Variants in CNTNAP2 observed in about 807,000 individuals in gnomAD.
CNTNAP2 encodes the protein contactin-associated protein-like 2.
A neutral mutation model predicts 155.2 loss-of-function variants in CNTNAP2; 98 were observed. The ratio of observed to expected loss-of-function variants is 0.63; its 90% CI spans 0.54 to 0.75. The LOEUF (loss-of-function observed/expected upper bound fraction) is 0.75. Among genes scored for constraint, CNTNAP2 ranks in the 30% least tolerant of loss-of-function variants. The pLI, the probability that CNTNAP2 is intolerant of heterozygous loss-of-function variation, is 0.00. For missense variants in CNTNAP2, 1,727 were observed against 1,688.1 expected, an observed-to-expected ratio of 1.02 and a Z score of -0.40; for synonymous variants, 651 against 631.2, an observed-to-expected ratio of 1.03 and a Z score of -0.47.
chr7:147,830,019 T>G (rs761250578), intron 13 of CNTNAP2, among the ~76,000 whole-genome samples: 21 of 152,012 alleles, frequency 1.4e-4, no homozygotes, highest in Admixed American at 2.6e-4. Context: ...CATAGCAACC[T>G]TAGGCCAAAA....
chr7:146,722,653 GC>G (rs1322453321), intron 1 of CNTNAP2, among the ~76,000 whole-genome samples: 1 of 151,946 alleles, frequency 6.6e-6, no homozygotes, highest in African/African-American at 2.4e-5. Flanking sequence ...TAGGCATTAT[GC>G]CAAAATTACA....
intron 1 of CNTNAP2, among the ~76,000 whole-genome samples, chr7:146,581,940 G>T (rs996796467): frequency 6.6e-6 from 1 of 152,070 alleles, no homozygotes; most frequent in Non-Finnish European, 1.5e-5. Context: ...ACCACGAGGA[G>T]TTTACAATCT....
intron 1 of CNTNAP2, among the ~76,000 whole-genome samples, chr7:146,326,642 G>A (rs536041744): frequency 6.6e-6 from 1 of 152,156 alleles, no homozygotes; most frequent in Non-Finnish European, 1.5e-5. Context: ...AAAGTGCATA[G>A]ACAGGTACAT....
intron 12 of CNTNAP2, among the ~76,000 whole-genome samples, chr7:147,601,225 C>G (rs1213722604): frequency 6.6e-6 from 1 of 152,060 alleles, no homozygotes; most frequent in Non-Finnish European, 1.5e-5. Context: ...GTGAAGAGAC[C>G]ACCAAACAGG....
At chr7:147,714,176 CT>C (rs1173242758) in intron 13 of CNTNAP2, among the ~76,000 whole-genome samples, 1 of 151,944 alleles carries the variant, frequency 6.6e-6, no homozygotes, top group Non-Finnish European at 1.5e-5. Context: ...ACAGTGCTGA[CT>C]TGTGACTCTC....
chr7:146,572,038 C>G (rs995984500), intron 1 of CNTNAP2, among the ~76,000 whole-genome samples: 4 of 152,130 alleles, frequency 2.6e-5, no homozygotes, highest in African/African-American at 9.7e-5. Flanking sequence ...TTCAATAAAA[C>G]GTGAGTTCTG....
chr7:146,626,033 T>A (rs1267559470), intron 1 of CNTNAP2, among the ~76,000 whole-genome samples: 1 of 152,102 alleles, frequency 6.6e-6, no homozygotes, highest in Admixed American at 6.6e-5. Flanking sequence ...CTGAAAGACA[T>A]ACATTGTGCT....
At chr7:147,405,206 T>C (rs2116475507) in intron 10 of CNTNAP2, among the ~76,000 whole-genome samples, 1 of 152,328 alleles carries the variant, frequency 6.6e-6, no homozygotes, top group African/African-American at 2.4e-5. Flanking sequence ...CTAAATCAAC[T>C]ACGGAGAGAT....
chr7:147,799,348 G>A (rs1177102544), intron 13 of CNTNAP2, among the ~76,000 whole-genome samples: 1 of 152,078 alleles, frequency 6.6e-6, no homozygotes, highest in African/African-American at 2.4e-5. Context: ...TAATCCTGTA[G>A]GCATTCATCC....
chr7:147,274,477 T>C (rs550374540), intron 8 of CNTNAP2, among the ~76,000 whole-genome samples: 1 of 152,276 alleles, frequency 6.6e-6, no homozygotes, highest in Non-Finnish European at 1.5e-5. Context: ...TTTTGATAAA[T>C]GTCTGTTCAT....
At chr7:147,985,704 T>A (rs1399342461) in intron 15 of CNTNAP2, among the ~76,000 whole-genome samples, 1 of 152,202 alleles carries the variant, frequency 6.6e-6, no homozygotes, top group Non-Finnish European at 1.5e-5. Context: ...AAAAACAAAA[T>A]CTAATTCACT....
intron 21 of CNTNAP2, among the ~76,000 whole-genome samples, chr7:148,317,727 G>A (rs1476740988): frequency 6.6e-6 from 1 of 151,610 alleles, no homozygotes; most frequent in Non-Finnish European, 1.5e-5. Context: ...TTTAGACGGA[G>A]TCTTGCTCTT....
At chr7:148,018,634 T>G (rs1030069886) in intron 15 of CNTNAP2, among the ~76,000 whole-genome samples, 2 of 152,192 alleles carry the variant, frequency 1.3e-5, no homozygotes, top group African/African-American at 4.8e-5. Flanking sequence ...TGAAGCATCC[T>G]TTTACTCGGT....
intron 9 of CNTNAP2, among the ~76,000 whole-genome samples, chr7:147,392,098 GA>G (rs1796728880): frequency 6.6e-6 from 1 of 151,846 alleles, no homozygotes; most frequent in Non-Finnish European, 1.5e-5. Flanking sequence ...ATTATCACAA[GA>G]AACAATGTTG....
chr7:146,353,534 T>A (rs910572137), intron 1 of CNTNAP2, among the ~76,000 whole-genome samples: 5 of 152,154 alleles, frequency 3.3e-5, no homozygotes, highest in African/African-American at 1.2e-4. Context: ...TCTAATCCTG[T>A]CTTCTCCTGA....
At chr7:147,452,713 TCATTA>T (rs1464228061) in intron 10 of CNTNAP2, among the ~76,000 whole-genome samples, 1 of 152,172 alleles carries the variant, frequency 6.6e-6, no homozygotes, top group Non-Finnish European at 1.5e-5. Flanking sequence ...TATATATCAG[TCATTA>T]CATTACATTG....
At chr7:146,564,004 T>C (rs1425561719) in intron 1 of CNTNAP2, among the ~76,000 whole-genome samples, 12 of 152,150 alleles carry the variant, frequency 7.9e-5, no homozygotes, top group Admixed American at 6.5e-4. Context: ...CATTAATGTA[T>C]AAGTCAAATA....
intron 1 of CNTNAP2, among the ~76,000 whole-genome samples, chr7:146,687,728 T>C (rs907869209): frequency 2.0e-5 from 3 of 152,170 alleles, no homozygotes; most frequent in East Asian, 1.9e-4. Context: ...TGAGGGAATA[T>C]ATTTAGCAAT....
intron 1 of CNTNAP2, among the ~76,000 whole-genome samples, chr7:146,234,640 T>C (rs1352081562): frequency 6.6e-6 from 1 of 151,908 alleles, no homozygotes; most frequent in Non-Finnish European, 1.5e-5. Flanking sequence ...AATTTTTGTA[T>C]AAGGTGTAAG....
Sources: allele counts gnomAD v4.1 joint callset (sites outside exome capture counted in the v4.1 genomes callset), GRCh38; gene constraint gnomAD v4.1.1; transcripts MANE v1.5; gene names NCBI Gene and HGNC (gene_info 2026-07-23, HGNC 2026-07-21).